The following TMEM201 variants were observed in gnomAD, a reference collection of about 807,000 sequenced individuals.
The protein encoded by TMEM201 is RP13-15M17.2.
In TMEM201, 26 loss-of-function variants were observed where a neutral mutation model predicts 63.4. The ratio of observed to expected loss-of-function variants is 0.41; its 90% CI spans 0.30 to 0.57. The LOEUF (loss-of-function observed/expected upper bound fraction) is 0.57. TMEM201 is among the 20% of genes least tolerant of loss of function. The pLI, the probability that TMEM201 is intolerant of heterozygous loss-of-function variation, is 0.29. For missense variants in TMEM201, 794 were observed against 917.7 expected (o/e 0.87, Z 1.74); for synonymous variants, 417 against 421.6 (o/e 0.99, Z 0.14).
rs1243147989 is a variant in TMEM201, at chr1:9,607,343, G to A, written c.1161-214G>A. Among the ~76,000 whole-genome samples, 1 of 152,120 alleles carries A rather than the reference G, an allele frequency of 6.6e-6. No homozygotes were observed. The highest frequency in any genetic ancestry group is 6.5e-5 in the Admixed American group (1 of 15,284). On this transcript the variant is annotated intron_variant, in intron 6 of 10. Transcript: ENST00000340381. This position sits in a 1 kb window ranked among gnomAD's most constrained non-coding sequence, Gnocchi z 5.4. ...GGGGGTAGGAGGGGGCATGTGGGGA[G>A]GGCCGGGTCTTGCTGGCACCTCCCA...
chr1:9,593,407 T>C lies in TMEM201; in HGVS notation c.114-2483T>C, dbSNP rs551372418. 3.8e-3 allele frequency among the ~76,000 whole-genome samples: 571 copies of C among 152,228 alleles called. 2 individuals are homozygous for C. The highest frequency in any genetic ancestry group is 0.013 in the African/African-American group (539 of 41,530). ...CTGTGGGAGAGGACCCCCTGGCAGGTAGGGCCCGCCTGGCCAAAGTGGGTG... is the reference window on the plus strand; with the variant it reads ...CTGTGGGAGAGGACCCCCTGGCAGGCAGGGCCCGCCTGGCCAAAGTGGGTG... On this transcript the variant is annotated intron_variant, in intron 1 of 10. Coordinates refer to ENST00000340381, the MANE Select transcript of TMEM201 (RefSeq NM_001130924.3).
chr1:9,603,277 A>G lies in TMEM201; in HGVS notation c.1160+1005A>G, dbSNP rs1208709980. 2.0e-6 allele frequency: 2 copies of G among 984,494 alleles called. No individual in the cohort carries two copies. Among genetic ancestry groups the G allele is most frequent in the Non-Finnish European group, 1.2e-6 (1 of 829,224 alleles). The allele number at this position is 984,494 out of a possible 1,614,324, so 61.0% of individuals were successfully genotyped here. On this transcript the variant is annotated intron_variant, in intron 6 of 10. Coordinates refer to ENST00000340381, the MANE Select transcript of TMEM201 (RefSeq NM_001130924.3). This position sits in a 1 kb window ranked among gnomAD's most constrained non-coding sequence, Gnocchi z 4.5. Reference sequence around the variant, plus strand: ...TGTTCTCAGCCTCAGTTTGCCATCTATGAAATGAGGTGGACCCCTCTCCAT... The same window carrying G: ...TGTTCTCAGCCTCAGTTTGCCATCTGTGAAATGAGGTGGACCCCTCTCCAT...
At chr1:9,596,436 G>T (rs552429866) in intron 2 of TMEM201, among the ~76,000 whole-genome samples, 3 of 152,242 alleles carry the variant, frequency 2.0e-5, no homozygotes, top group Admixed American at 6.5e-5. Flanking sequence ...CTGAGCCACC[G>T]TAGGTAATAC....
intron 5 of TMEM201, 131 bp from the exon 6 acceptor site, chr1:9,601,938 C>T (rs1054927013): frequency 2.2e-5 from 25 of 1,111,596 alleles, no homozygotes; most frequent in Admixed American, 5.6e-5. Flanking sequence ...GAGGGGATTC[C>T]GAGCCCACAC....
chr1:9,609,663 G>A (rs1004469768), intron 7 of TMEM201, among the ~76,000 whole-genome samples, 177 bp from the exon 8 acceptor site: 28 of 152,188 alleles, frequency 1.8e-4, no homozygotes, highest in Non-Finnish European at 3.2e-4. Flanking sequence ...TCTGCAAAAA[G>A]GGAACGTGCC....
chr1:9,597,641 G>C (rs1448451991), intron 3 of TMEM201, among the ~76,000 whole-genome samples: 1 of 152,182 alleles, frequency 6.6e-6, no homozygotes, highest in South Asian at 2.1e-4. Context: ...TCCTGCCCTC[G>C]GCCAGCCCAG....
chr1:9,609,504 A>AT (rs1644291656), intron 7 of TMEM201, among the ~76,000 whole-genome samples: 1 of 152,156 alleles, frequency 6.6e-6, no homozygotes. Flanking sequence ...AGGAGTGGAC[A>AT]ATATGCCCAG....
At chr1:9,611,145 C>A (rs1161596841) in intron 9 of TMEM201, 2 of 1,081,082 alleles carry the variant, frequency 1.9e-6, no homozygotes, top group African/African-American at 1.6e-5. Context: ...TTATAGTTAG[C>A]CCCCAGCCTT....
At chr1:9,598,356 G>A in intron 3 of TMEM201, 93 bp from the exon 4 acceptor site, 1 of 1,449,584 alleles carries the variant, frequency 6.9e-7, no homozygotes, top group East Asian at 2.3e-5. Context: ...CCTAGTAAGT[G>A]GCAGGTCAGG....
Position 9,604,702 on chromosome 1 carries a change from C to T in TMEM201, c.1160+2430C>T. 1 of 986,006 alleles carries T rather than the reference C, an allele frequency of 1.0e-6. No individual in the cohort carries two copies. Among genetic ancestry groups the T allele is most frequent in the Non-Finnish European group, 1.2e-6 (1 of 830,066 alleles). The allele number at this position is 986,006 out of a possible 1,614,324, so 61.1% of individuals were successfully genotyped here. ...GTCCCCACCCAGGCCAAGCCGGCCC[C>T]CCGTACCCCTTGCCTGGGAGCAAAC... is the stretch of plus-strand genomic sequence containing the variant. On this transcript the variant is annotated intron_variant, in intron 6 of 10. Transcript: ENST00000340381. The surrounding 1 kb of genome is among the most constrained non-coding windows in gnomAD (Gnocchi z 4.1).
chr1:9,607,621 A>T lies in TMEM201; in HGVS notation c.1225A>T (p.Ser409Cys). The change falls in exon 7 of 11, where the codon AGT (serine) becomes TGT (cysteine). Residue 409 changes from serine (S) to cysteine (C), a missense_variant. Transcript: ENST00000340381. The surrounding 1 kb of genome is among the most constrained non-coding windows in gnomAD (Gnocchi z 5.4). The stretch of plus-strand genomic sequence containing the variant: ...CCCCAGCTTGGCCATCCCTCACCCG[A>T]GTGTCGGAGGCTCTCCAGCGTCTCT... ...TSPSLAIPHP[S>C]VGGSPASLFI... 6.4e-7 allele frequency: 1 copy of T among 1,551,436 alleles called. No homozygotes were observed. Among genetic ancestry groups the T allele is most frequent in the Non-Finnish European group, 8.7e-7 (1 of 1,146,988 alleles).
Position 9,605,011 on chromosome 1 carries a change from C to T in TMEM201, c.1161-2546C>T. The T allele has an allele frequency of 1.0e-6, 1 of 985,754 alleles. No individual in the cohort carries two copies. The highest frequency in any genetic ancestry group is 1.2e-6 in the Non-Finnish European group (1 of 829,966). The allele number at this position is 985,754 out of a possible 1,614,324, so 61.1% of individuals were successfully genotyped here. A position where few individuals can be genotyped will look rare whatever the true frequency, so the allele number is the denominator to read the frequency against. Reference sequence around the variant, plus strand: ...TCTTTCTTTCAGAAGGGCTCTGTGCCAGGGCTGGGGTGGGCAGCTGTGTTT... The same window carrying T: ...TCTTTCTTTCAGAAGGGCTCTGTGCTAGGGCTGGGGTGGGCAGCTGTGTTT... On this transcript the variant is annotated intron_variant, in intron 6 of 10. Coordinates refer to ENST00000340381, the MANE Select transcript of TMEM201 (RefSeq NM_001130924.3). The surrounding 1 kb of genome is among the most constrained non-coding windows in gnomAD (Gnocchi z 5.7).
At position 9,610,615 on chromosome 1, in the gene TMEM201, G is replaced by A. The variant is rs376220327; in HGVS notation, c.1575G>A (p.Arg525=). 42 of 1,550,554 alleles carry A rather than the reference G, an allele frequency of 2.7e-5. No individual in the cohort carries two copies. The highest frequency in any genetic ancestry group is 2.5e-4 in the South Asian group (21 of 84,052). Residue 525 remains arginine, a synonymous_variant, in exon 9 of 11, where the codon AGG becomes AGA. Coordinates refer to ENST00000340381, the MANE Select transcript of TMEM201 (RefSeq NM_001130924.3). The surrounding 1 kb of genome is among the most constrained non-coding windows in gnomAD (Gnocchi z 4.9). ...ASSSGSLRHR[R]PLISPARLNL... is the part of the protein sequence containing the mutation. ...GCTCCGGCTCTCTGCGCCACCGCAG[G>A]CCCCTCATCAGCCCTGCCCGGCTCA...
chr1:9,596,129 T>G, intron 2 of TMEM201, 119 bp downstream of exon 2: 2 of 1,289,638 alleles, frequency 1.6e-6, no homozygotes, highest in African/African-American at 1.5e-5. Flanking sequence ...CACACCCTCA[T>G]ACCCTGTCCT....
In TMEM201 at chr1:9,596,846, C is replaced by T; in HGVS notation, c.235-13C>T. 6.4e-7 allele frequency: 1 copy of T among 1,573,872 alleles called. No homozygotes were observed. Among genetic ancestry groups the T allele is most frequent in the Non-Finnish European group, 8.7e-7 (1 of 1,151,648 alleles). On this transcript the variant is annotated splice_polypyrimidine_tract_variant and intron_variant, in intron 2 of 10. Transcript: ENST00000340381. ...AGGGCCTGCCTGCCTCGAGTCCCACCTCTCTCCCGCAGAACGGCGACTACA... is the reference window on the plus strand; with the variant it reads ...AGGGCCTGCCTGCCTCGAGTCCCACTTCTCTCCCGCAGAACGGCGACTACA...
rs1183167093 is a variant in TMEM201, at chr1:9,598,690, AG to A, written c.606+67del. The stretch of plus-strand genomic sequence containing the variant: ...AGTTTGTTCAGGAAACCCTCCCAGG[AG>A]GCTGGGCACTAGTGACCAGAGGGTA... On this transcript the variant is annotated intron_variant, in intron 4 of 10. Transcript: ENST00000340381. The A allele has an allele frequency of 2.6e-6, 4 of 1,538,378 alleles. No individual in the cohort carries two copies. The African/African-American group carries it at 5.4e-5, about 21-fold the overall frequency.
chr1:9,601,566 C>T, intron 5 of TMEM201, 112 bp downstream of exon 5: 1 of 1,023,030 alleles, frequency 9.8e-7, no homozygotes, highest in East Asian at 2.6e-5. Flanking sequence ...GGCTGAACTC[C>T]ACCATGTCAC....
At chr1:9,611,722 G>A (rs368815422) in intron 9 of TMEM201, 31 bp from the exon 10 acceptor site, 31 of 1,550,794 alleles carry the variant, frequency 2.0e-5, no homozygotes, top group Non-Finnish European at 2.4e-5. Flanking sequence ...AGCCATGAGC[G>A]CCACTGAGAA....
In TMEM201 at chr1:9,601,191, C is replaced by T. The variant is rs199774280; in HGVS notation, c.693C>T (p.Thr231=). The T allele has an allele frequency of 5.6e-5, 91 of 1,612,878 alleles. 1 individual carries two copies. The highest frequency in any genetic ancestry group is 1.6e-4 in the Middle Eastern group (1 of 6,082). ...TGGCCTGCGCCTTCCTACTGACCAC[C>T]GCGCTGTATGGGGCCAGCGGACACT... ...AFLACAFLLT[T]ALYGASGHFA... Residue 231 remains threonine, a synonymous_variant, in exon 5 of 11, where the codon ACC becomes ACT. Coordinates refer to ENST00000340381, the MANE Select transcript of TMEM201 (RefSeq NM_001130924.3).
Sources: allele counts gnomAD v4.1 joint callset (sites outside exome capture counted in the v4.1 genomes callset), GRCh38; gene constraint gnomAD v4.1.1; non-coding constraint Gnocchi (gnomAD v3.1); transcripts MANE v1.5; gene names NCBI Gene and HGNC (gene_info 2026-07-23, HGNC 2026-07-21).